Variants in NUBPL observed in about 807,000 individuals in gnomAD.
NUBPL encodes the protein NUBP iron-sulfur cluster assembly factor, mitochondrial, also known as iron-sulfur cluster transfer protein NUBPL.
NUBPL carries 31 observed loss-of-function variants against 45.7 expected under a neutral mutation model. That is an observed-to-expected ratio of 0.68 (90% CI 0.51 to 0.92). NUBPL has a LOEUF of 0.92. Ranked by LOEUF, NUBPL falls within the 40% of genes least tolerant of loss-of-function variation. The pLI is 0.00. For missense variants in NUBPL, 401 were observed against 398.7 expected, an observed-to-expected ratio of 1.01 and a Z score of -0.05; for synonymous variants, 144 against 140.9, an observed-to-expected ratio of 1.02 and a Z score of -0.15.
chr14:31,635,182 G>A (rs1455596347), intron 4 of NUBPL, among the ~76,000 whole-genome samples: 3 of 151,356 alleles, frequency 2.0e-5, no homozygotes, highest in East Asian at 3.9e-4. Flanking sequence ...TGTCCTGAAT[G>A]GTAATGCCTA....
At chr14:31,677,012 A>AT (rs201381913) in intron 6 of NUBPL, among the ~76,000 whole-genome samples, 125 of 150,422 alleles carry the variant, frequency 8.3e-4, no homozygotes, top group African/African-American at 2.7e-3. Flanking sequence ...GAATGTATTT[A>AT]TTTTTTTTTC....
chr14:31,628,001 C>G (rs1595390817), intron 4 of NUBPL, among the ~76,000 whole-genome samples: 1 of 152,208 alleles, frequency 6.6e-6, no homozygotes. Context: ...ATTTTAACAT[C>G]TTGCTTAATA....
intron 6 of NUBPL, among the ~76,000 whole-genome samples, chr14:31,776,986 G>A (rs1332959504): frequency 6.6e-6 from 1 of 152,156 alleles, no homozygotes; most frequent in African/African-American, 2.4e-5. Flanking sequence ...TATAGCAAAA[G>A]TTCACACCCA....
At chr14:31,739,409 T>A (rs913563789) in intron 6 of NUBPL, among the ~76,000 whole-genome samples, 3 of 151,676 alleles carry the variant, frequency 2.0e-5, no homozygotes, top group Admixed American at 1.3e-4. Flanking sequence ...TGAAAATATG[T>A]TGGTCAGTTA....
intron 6 of NUBPL, among the ~76,000 whole-genome samples, chr14:31,752,635 C>T (rs765311923): frequency 7.2e-5 from 11 of 152,218 alleles, no homozygotes; most frequent in Non-Finnish European, 1.0e-4. Flanking sequence ...TCCACATCTT[C>T]CTGTCTTCTT....
rs754856136 is a variant in NUBPL at position 31,787,769 on chromosome 14, C to T, written c.514-11C>T. 4.5e-6 allele frequency: 7 copies of T among 1,562,400 alleles called. 1 individual carries two copies. In the South Asian group the frequency reaches 7.8e-5, roughly 17 times the overall value. On this transcript the variant is annotated splice_polypyrimidine_tract_variant and intron_variant, in intron 6 of 10. Coordinates refer to ENST00000281081, the MANE Select transcript of NUBPL (RefSeq NM_025152.3). ...TTTTATACAATGATATAATCTATGT[C>T]ATCTTTTTAGGTAGATTGGGGTCAA... is the stretch of plus-strand genomic sequence containing the variant.
At chr14:31,669,830 C>T (rs1452474298) in intron 4 of NUBPL, among the ~76,000 whole-genome samples, 1 of 107,412 alleles carries the variant, frequency 9.3e-6, no homozygotes, top group African/African-American at 3.2e-5. Flanking sequence ...TTTACGGCTG[C>T]CTAGTATTCC....
At chr14:31,663,626 G>A (rs1291437552) in intron 4 of NUBPL, among the ~76,000 whole-genome samples, 2 of 152,176 alleles carry the variant, frequency 1.3e-5, no homozygotes, top group African/African-American at 4.8e-5. Context: ...GTATCGTGCT[G>A]TTTTGGTTAC....
intron 8 of NUBPL, among the ~76,000 whole-genome samples, chr14:31,837,147 C>T (rs1177870162): frequency 1.3e-5 from 2 of 152,046 alleles, no homozygotes; most frequent in African/African-American, 4.8e-5. Context: ...TACACTAAGA[C>T]CTTGTTTCTA....
At chr14:31,795,003 G>T (rs1248412481) in intron 7 of NUBPL, among the ~76,000 whole-genome samples, 6 of 142,740 alleles carry the variant, frequency 4.2e-5, no homozygotes, top group African/African-American at 8.0e-5. Flanking sequence ...TTTCCCCATT[G>T]CTTGTTTTTC....
chr14:31,836,191 G>T (rs748994764), intron 8 of NUBPL, among the ~76,000 whole-genome samples: 1 of 152,182 alleles, frequency 6.6e-6, no homozygotes, highest in Non-Finnish European at 1.5e-5. Flanking sequence ...GCCCTTCTGA[G>T]CCAGTGATGG....
At chr14:31,819,267 T>G (rs1164658414) in intron 7 of NUBPL, among the ~76,000 whole-genome samples, 1 of 152,216 alleles carries the variant, frequency 6.6e-6, no homozygotes, top group African/African-American at 2.4e-5. Flanking sequence ...TTTCTTTTGA[T>G]GCAAGTATAT....
intron 4 of NUBPL, among the ~76,000 whole-genome samples, chr14:31,664,479 T>G (rs1253002201): frequency 6.6e-6 from 1 of 152,220 alleles, no homozygotes; most frequent in African/African-American, 2.4e-5. Context: ...CTTTTCTGCA[T>G]CTATTGAGAT....
chr14:31,732,036 A>G (rs928167561), intron 6 of NUBPL, among the ~76,000 whole-genome samples: 3 of 151,764 alleles, frequency 2.0e-5, no homozygotes, highest in Non-Finnish European at 4.4e-5. Context: ...TCCCGTCTCT[A>G]CTAAAAATAC....
At chr14:31,762,774 C>T (rs1328312004) in intron 6 of NUBPL, among the ~76,000 whole-genome samples, 3 of 136,312 alleles carry the variant, frequency 2.2e-5, no homozygotes, top group Non-Finnish European at 4.6e-5. Context: ...GCAAGAATAC[C>T]AGTTAGTCTT....
At chr14:31,815,726 T>G (rs1214432764) in intron 7 of NUBPL, among the ~76,000 whole-genome samples, 2 of 130,334 alleles carry the variant, frequency 1.5e-5, no homozygotes, top group Non-Finnish European at 3.5e-5. Context: ...ACTTAGTTTA[T>G]TGAGCGTTTT....
intron 6 of NUBPL, among the ~76,000 whole-genome samples, chr14:31,747,072 CA>C (rs371061163): frequency 0.3 from 19,481 of 65,510 alleles, 731 homozygotes; most frequent in East Asian, 0.36. Context: ...AACCTGTCTC[CA>C]AAAAAAAAAA....
intron 4 of NUBPL, among the ~76,000 whole-genome samples, chr14:31,638,908 G>A (rs977813785): frequency 1.3e-5 from 2 of 152,080 alleles, no homozygotes; most frequent in Non-Finnish European, 2.9e-5. Flanking sequence ...TCTTCACGTA[G>A]TTCTTGAGCC....
At chr14:31,694,601 C>T (rs530114650) in intron 6 of NUBPL, among the ~76,000 whole-genome samples, 15 of 152,228 alleles carry the variant, frequency 9.9e-5, no homozygotes, top group African/African-American at 2.4e-4. Flanking sequence ...CTGCAACCTC[C>T]GCCTCCTGGG....
Sources: allele counts gnomAD v4.1 joint callset (sites outside exome capture counted in the v4.1 genomes callset), GRCh38; gene constraint gnomAD v4.1.1; transcripts MANE v1.5; gene names NCBI Gene and HGNC (gene_info 2026-07-23, HGNC 2026-07-21).